The following TRPM2 variants were observed in gnomAD, a reference collection of about 807,000 sequenced individuals.
TRPM2 encodes the protein estrogen-responsive element-associated gene 1 protein.
In TRPM2, 161 loss-of-function variants were observed where a neutral mutation model predicts 174.0. The ratio of observed to expected loss-of-function variants is 0.93; its 90% CI spans 0.81 to 1.05. The LOEUF (loss-of-function observed/expected upper bound fraction) is 1.05, where lower values mean the gene tolerates loss of function less well. Among genes scored for constraint, TRPM2 ranks in the 50% least tolerant of loss-of-function variants. The pLI is 0.00. For synonymous variants in TRPM2, 954 were observed against 861.3 expected (o/e 1.11, Z -1.88); for missense variants, 2,057 against 2,038.0 (o/e 1.01, Z -0.18).
chr21:44,351,842 G>C (rs2047931226), upstream of TRPM2, among the ~76,000 whole-genome samples: 1 of 152,194 alleles, frequency 6.6e-6, no homozygotes, highest in South Asian at 2.1e-4. Context: ...GGGCCTGCTT[G>C]CCTCTGGGAT....
At chr21:44,362,438 G>A (rs146141883) in intron 2 of TRPM2, among the ~76,000 whole-genome samples, 1,519 of 151,668 alleles carry the variant, frequency 0.01, 31 homozygotes, top group African/African-American at 0.029. Context: ...CGTGAACCTG[G>A]GAGGCGGAGC....
intron 25 of TRPM2, among the ~76,000 whole-genome samples, chr21:44,426,032 T>C (rs1401467232): frequency 6.6e-6 from 1 of 151,974 alleles, no homozygotes; most frequent in African/African-American, 2.4e-5. Flanking sequence ...CAGCTGGAGG[T>C]GGTGGAGGGG....
At chr21:44,380,086 G>A (rs889873563) in intron 8 of TRPM2, among the ~76,000 whole-genome samples, 4 of 152,206 alleles carry the variant, frequency 2.6e-5, no homozygotes, top group Non-Finnish European at 5.9e-5. Flanking sequence ...TTAAAAATGA[G>A]CACCCTCAGG....
intron 27 of TRPM2, among the ~76,000 whole-genome samples, chr21:44,433,970 G>A (rs1438901192): frequency 3.3e-5 from 5 of 152,216 alleles, no homozygotes; most frequent in African/African-American, 7.2e-5. Context: ...AGGCTGCCCC[G>A]CCAGGCAGGG....
At position 44,417,938 on chromosome 21, in the gene TRPM2, A is replaced by G. The variant is rs762175337; in HGVS notation, c.3158A>G (p.Gln1053Arg). ...CTCCTCCCTGACAGCTACACCTTCC[A>G]GCAGGTGCAGGAGCACACGGACCAG... ...LLIAMFNYTF[Q>R]QVQEHTDQIW... The change falls in exon 21 of 32, where the codon CAG (glutamine) becomes CGG (arginine). Residue 1053 changes from glutamine to arginine, a missense_variant. Transcript: ENST00000397928. The G allele has an allele frequency of 2.1e-5, 34 of 1,611,608 alleles. 1 individual carries two copies. The South Asian group carries it at 3.7e-4, about 18-fold the overall frequency.
chr21:44,435,760 CA>C (rs2051227792), intron 28 of TRPM2, among the ~76,000 whole-genome samples: 1 of 135,046 alleles, frequency 7.4e-6, no homozygotes, highest in Non-Finnish European at 1.6e-5. Flanking sequence ...TCACTCTCCA[CA>C]CCCATCCATG....
rs958093233 is a variant in TRPM2 at position 44,399,899 on chromosome 21, C to T, written c.2209-360C>T. Among the ~76,000 whole-genome samples, 12 of 152,162 alleles carry T rather than the reference C, an allele frequency of 7.9e-5. No homozygotes were observed. Among genetic ancestry groups the T allele is most frequent in the African/African-American group, 1.7e-4 (7 of 41,434 alleles). ...CCTTGCACGCTGGGCTTCCTTGGAG[C>T]GCCGAGCTATTGCCAAGTCCATGAG... is the stretch of plus-strand genomic sequence containing the variant. On this transcript the variant is annotated intron_variant, in intron 14 of 31. Transcript: ENST00000397928. This position sits in a 1 kb window ranked among gnomAD's most constrained non-coding sequence, Gnocchi z 4.6.
At chr21:44,379,342 G>A (rs1602170512) in intron 8 of TRPM2, 145 bp downstream of exon 8, 19 of 937,726 alleles carry the variant, frequency 2.0e-5, no homozygotes, top group East Asian at 1.8e-4. Context: ...CAGAGGGCAG[G>A]GCCCAGGTGG....
Position 44,399,781 on chromosome 21 carries a change from C to T in TRPM2, c.2208+340C>T, listed in dbSNP as rs1028257048. Among the ~76,000 whole-genome samples the T allele has an allele frequency of 2.0e-5, 3 of 152,286 alleles. No homozygotes were observed. Among genetic ancestry groups the T allele is most frequent in the East Asian group, 1.9e-4 (1 of 5,176 alleles). ...CCCTGGAGGGATAAGCGGGACACGG[C>T]GTGTCCTCCCTGGAGCAGCAGGGGC... On this transcript the variant is annotated intron_variant, in intron 14 of 31. Coordinates refer to ENST00000397928, the MANE Select transcript of TRPM2 (RefSeq NM_003307.4). This position sits in a 1 kb window ranked among gnomAD's most constrained non-coding sequence, Gnocchi z 4.6.
At chr21:44,422,585 T>C (rs2050590884) in intron 22 of TRPM2, among the ~76,000 whole-genome samples, 2 of 152,204 alleles carry the variant, frequency 1.3e-5, no homozygotes, top group Non-Finnish European at 2.9e-5. Flanking sequence ...CTCAGTGTAT[T>C]ATAAGAATAT....
chr21:44,405,104 C>T (rs777513060), intron 16 of TRPM2, 38 bp from the exon 17 acceptor site: 9 of 1,609,498 alleles, frequency 5.6e-6, no homozygotes, highest in Non-Finnish European at 7.6e-6. Context: ...GTAAGAGTGA[C>T]AACCTGTCTG....
Position 44,366,643 on chromosome 21 carries a change from G to T in TRPM2, c.424-111G>T, listed in dbSNP as rs1309020313. On this transcript the variant is annotated intron_variant, in intron 3 of 31. Transcript: ENST00000397928. This position sits in a 1 kb window ranked among gnomAD's most constrained non-coding sequence, Gnocchi z 6.0. ...CCCTTTTCTGGGTCTGAGCCGGAAAGGTGTGCGGTGTCTGCCGCCCGCTGG... is the reference window on the plus strand; with the variant it reads ...CCCTTTTCTGGGTCTGAGCCGGAAATGTGTGCGGTGTCTGCCGCCCGCTGG... The T allele has an allele frequency of 1.8e-5, 26 of 1,446,608 alleles. No homozygotes were observed. The highest frequency in any genetic ancestry group is 1.6e-5 in the Non-Finnish European group (17 of 1,050,296). The allele number at this position is 1,446,608 out of a possible 1,614,324, so 89.6% of individuals were successfully genotyped here.
chr21:44,391,079 A>C lies in TRPM2; in HGVS notation c.1440+54A>C. The C allele has an allele frequency of 6.2e-7, 1 of 1,608,078 alleles. No individual in the cohort carries two copies. The highest frequency in any genetic ancestry group is 8.5e-7 in the Non-Finnish European group (1 of 1,176,006). ...GGCCTACTGGGCCCACATGCATTGC[A>C]CCACTGAAGCAAGGGCAGGCAAAGT... is the stretch of plus-strand genomic sequence containing the variant. On this transcript the variant is annotated intron_variant, in intron 10 of 31. Coordinates refer to ENST00000397928, the MANE Select transcript of TRPM2 (RefSeq NM_003307.4). The surrounding 1 kb of genome is among the most constrained non-coding windows in gnomAD (Gnocchi z 5.0).
At position 44,369,179 on chromosome 21, in the gene TRPM2, G is replaced by A. The variant is rs1230176878; in HGVS notation, c.607G>A (p.Ala203Thr). Residue 203 changes from alanine (A) to threonine (T), a missense_variant and splice_region_variant, in exon 5 of 32, where the codon GCC becomes ACC. Ala to Thr is a moderately conservative substitution (Grantham distance 58). Transcript: ENST00000397928. ...GLVKVAQTTG[A>T]WIITGGSHTG... The stretch of plus-strand genomic sequence containing the variant: ...GCCCACCCGTGCTCCTTCCCCAGGG[G>A]CCTGGATCATCACAGGGGGGTCCCA... The A allele has an allele frequency of 3.7e-6, 6 of 1,605,790 alleles. No homozygotes were observed. In the South Asian group the frequency reaches 4.4e-5, roughly 12 times the overall value.
intron 22 of TRPM2, among the ~76,000 whole-genome samples, chr21:44,419,258 G>A (rs1431425214): frequency 6.6e-6 from 1 of 152,168 alleles, no homozygotes; most frequent in East Asian, 1.9e-4. Context: ...GCCACAAACA[G>A]GAGCATCCTG....
rs142912543 is a variant in TRPM2 at position 44,422,618 on chromosome 21, T to A, written c.3462-1027T>A. 2.9e-3 allele frequency among the ~76,000 whole-genome samples: 441 copies of A among 152,234 alleles called. 2 individuals carry two copies. The highest frequency in any genetic ancestry group is 9.7e-3 in the African/African-American group (404 of 41,534). Reference sequence around the variant, plus strand: ...TATCACTTGCAGTGGGCGCTGTGGATGAAAGGAAGTGAGGGAGCCCAGGGG... The same window carrying A: ...TATCACTTGCAGTGGGCGCTGTGGAAGAAAGGAAGTGAGGGAGCCCAGGGG... On this transcript the variant is annotated intron_variant, in intron 22 of 31. Coordinates refer to ENST00000397928, the MANE Select transcript of TRPM2 (RefSeq NM_003307.4).
chr21:44,387,578 A>G (rs936006396), intron 9 of TRPM2, among the ~76,000 whole-genome samples: 1 of 152,228 alleles, frequency 6.6e-6, no homozygotes, highest in African/African-American at 2.4e-5. Flanking sequence ...AATTTTGTGC[A>G]TCAAAAGATA....
At position 44,426,994 on chromosome 21, in the gene TRPM2, T is replaced by G. The variant is rs1476111902; in HGVS notation, c.3873-16T>G. ...GCAACACGGGCACACAGACACGCCT[T>G]CTCCTCTGCTCCCAGCACCCTGGAG... On this transcript the variant is annotated splice_polypyrimidine_tract_variant and intron_variant, in intron 26 of 31. Transcript: ENST00000397928. The G allele has an allele frequency of 6.3e-7, 1 of 1,576,884 alleles. No homozygotes were observed. Among genetic ancestry groups the G allele is most frequent in the African/African-American group, 1.3e-5 (1 of 74,284 alleles).
chr21:44,413,961 C>T lies in TRPM2; in HGVS notation c.3033C>T (p.Ser1011=), dbSNP rs376292870. 25 of 1,613,842 alleles carry T rather than the reference C, an allele frequency of 1.5e-5. No individual in the cohort carries two copies. Among genetic ancestry groups the T allele is most frequent in the East Asian group, 8.9e-5 (4 of 44,890 alleles). ...TDPYKPKCPE[S]DATQQRPAFP... is the part of the protein sequence containing the mutation. ...CCTACAAGCCTAAGTGCCCCGAGAG[C>T]GACGCGACGCAGCAGAGGCCGGCCT... The change falls in exon 20 of 32, where the codon AGC becomes AGT. Residue 1011 remains serine, a synonymous_variant. Coordinates refer to ENST00000397928, the MANE Select transcript of TRPM2 (RefSeq NM_003307.4).
Sources: gnomAD v4.1 joint callset for allele counts (sites outside exome capture counted in the v4.1 genomes callset) on GRCh38, gnomAD v4.1.1 for gene constraint, Gnocchi (gnomAD v3.1) non-coding constraint, MANE v1.5 for transcripts, NCBI Gene and HGNC (gene_info 2026-07-23, HGNC 2026-07-21) for gene names.